CUBN: variants seen among roughly 807,000 people sequenced by gnomAD.
CUBN encodes the protein 460 kDa receptor.
In CUBN, 282 loss-of-function variants were observed where a neutral mutation model predicts 405.3. The observed-to-expected ratio is 0.70, with a 90% CI of 0.63 to 0.77. The LOEUF is 0.77. Among genes scored for constraint, CUBN ranks in the 30% least tolerant of loss-of-function variants. The pLI is 0.00. For synonymous variants in CUBN, 1,684 were observed against 1,617.0 expected (o/e 1.04, Z -0.99); for missense variants, 4,514 against 4,475.2 (o/e 1.01, Z -0.25).
At chr10:17,105,287 T>C (rs1231538052) in intron 11 of CUBN, among the ~76,000 whole-genome samples, 170 bp downstream of exon 11, 1 of 152,194 alleles carries the variant, frequency 6.6e-6, no homozygotes, top group Non-Finnish European at 1.5e-5. Context: ...TCAATGTTTT[T>C]TCCTAAGAAC....
chr10:17,067,511 T>G (rs1835636549), intron 21 of CUBN, among the ~76,000 whole-genome samples: 2 of 150,760 alleles, frequency 1.3e-5, no homozygotes, highest in South Asian at 4.2e-4. Flanking sequence ...ATCAAGAGAG[T>G]TGTAGAACAA....
intron 17 of CUBN, among the ~76,000 whole-genome samples, chr10:17,077,304 T>TA (rs542854812): frequency 0.012 from 1,811 of 150,862 alleles, 23 homozygotes; most frequent in Middle Eastern, 0.031. Flanking sequence ...AAACTACTCA[T>TA]AAAAAAAAAC....
intron 26 of CUBN, among the ~76,000 whole-genome samples, chr10:17,043,077 C>T (rs998823054): frequency 2.6e-5 from 4 of 152,188 alleles, no homozygotes; most frequent in Admixed American, 6.5e-5. Flanking sequence ...CTTCAAAAAG[C>T]ATTTAATTCT....
chr10:17,099,544 T>A (rs188531924), intron 14 of CUBN, among the ~76,000 whole-genome samples: 5 of 152,306 alleles, frequency 3.3e-5, no homozygotes, highest in Non-Finnish European at 5.9e-5. Flanking sequence ...AATTCTAGGT[T>A]GATTTGATTT....
intron 7 of CUBN, among the ~76,000 whole-genome samples, chr10:17,114,728 G>A (rs540952907): frequency 6.6e-6 from 1 of 152,304 alleles, no homozygotes. Context: ...AGGAGTCAAA[G>A]TCATCAGGAC....
At chr10:17,084,084 T>G (rs183366325) in intron 17 of CUBN, among the ~76,000 whole-genome samples, 187 bp downstream of exon 17, 30 of 152,330 alleles carry the variant, frequency 2.0e-4, no homozygotes, top group African/African-American at 7.2e-4. Flanking sequence ...CTGTATCTTA[T>G]TAGTACATCC....
chr10:17,082,582 T>C (rs1412150835), intron 17 of CUBN, among the ~76,000 whole-genome samples: 1 of 152,204 alleles, frequency 6.6e-6, no homozygotes, highest in Admixed American at 6.5e-5. Context: ...CTGAAAATTA[T>C]AGTTACATTC....
At chr10:16,827,927 G>T (rs750956611) in intron 66 of CUBN, among the ~76,000 whole-genome samples, 2 of 152,190 alleles carry the variant, frequency 1.3e-5, no homozygotes, top group African/African-American at 2.4e-5. Flanking sequence ...TCAAATGAGA[G>T]GATCGTAAGC....
chr10:17,072,197 T>G (rs1404776759), intron 17 of CUBN, among the ~76,000 whole-genome samples: 2 of 152,040 alleles, frequency 1.3e-5, no homozygotes, highest in African/African-American at 4.8e-5. Context: ...AGCACAAGAA[T>G]TTAAAGAATG....
At chr10:17,013,789 T>C (rs1056030592) in intron 28 of CUBN, among the ~76,000 whole-genome samples, 16 of 152,218 alleles carry the variant, frequency 1.1e-4, no homozygotes, top group African/African-American at 3.9e-4. Context: ...GGGAAGAGGC[T>C]TACTTCAGTA....
intron 28 of CUBN, among the ~76,000 whole-genome samples, chr10:17,017,631 G>T (rs1360778702): frequency 2.0e-5 from 3 of 152,178 alleles, no homozygotes; most frequent in East Asian, 1.9e-4. Flanking sequence ...CTATTGATAG[G>T]CCTGCTTGTC....
chr10:16,900,341 T>A (rs1199745360), intron 53 of CUBN, among the ~76,000 whole-genome samples: 1 of 152,238 alleles, frequency 6.6e-6, no homozygotes. Context: ...AGTGTTGAGA[T>A]CAAAGTTTCT....
At chr10:16,918,910 A>C in intron 44 of CUBN, 110 bp from the exon 45 acceptor site, 1 of 1,016,484 alleles carries the variant, frequency 9.8e-7, no homozygotes, top group Non-Finnish European at 1.5e-6. Flanking sequence ...ATTTCTTAGC[A>C]TAAAAAACTA....
intron 31 of CUBN, among the ~76,000 whole-genome samples, chr10:16,977,588 A>G (rs1179002554): frequency 6.6e-6 from 1 of 152,092 alleles, no homozygotes; most frequent in Non-Finnish European, 1.5e-5. Flanking sequence ...TGCATTCACC[A>G]TCCTTCAAGT....
At chr10:17,027,727 A>T (rs1362184779) in intron 27 of CUBN, among the ~76,000 whole-genome samples, 2 of 152,210 alleles carry the variant, frequency 1.3e-5, no homozygotes, top group East Asian at 3.8e-4. Context: ...CTATCTCCAT[A>T]ATCTTTTCTT....
chr10:17,079,124 G>A (rs911776333), intron 17 of CUBN, among the ~76,000 whole-genome samples: 9 of 151,974 alleles, frequency 5.9e-5, no homozygotes, highest in African/African-American at 2.2e-4. Flanking sequence ...GCATCACGAT[G>A]GTCCAGCAGT....
At chr10:17,012,378 A>G (rs1205286416) in intron 28 of CUBN, among the ~76,000 whole-genome samples, 1 of 152,134 alleles carries the variant, frequency 6.6e-6, no homozygotes, top group Non-Finnish European at 1.5e-5. Context: ...CTGACTGGTT[A>G]GTGTAAAAGC....
intron 10 of CUBN, among the ~76,000 whole-genome samples, chr10:17,106,569 G>A (rs1397549669): frequency 6.8e-6 from 1 of 146,010 alleles, no homozygotes; most frequent in African/African-American, 2.6e-5. Flanking sequence ...CTGCACTCCA[G>A]CCTGGGAGAC....
chr10:17,016,346 G>T (rs965666738), intron 28 of CUBN, among the ~76,000 whole-genome samples: 1 of 152,134 alleles, frequency 6.6e-6, no homozygotes, highest in South Asian at 2.1e-4. Flanking sequence ...ACTGGGGAAG[G>T]CTTTTTGACC....
Sources: allele counts gnomAD v4.1 joint callset (sites outside exome capture counted in the v4.1 genomes callset), GRCh38; gene constraint gnomAD v4.1.1; transcripts MANE v1.5; gene names NCBI Gene and HGNC (gene_info 2026-07-23, HGNC 2026-07-21).